The following SDK1 variants were observed in gnomAD, a reference collection of about 807,000 sequenced individuals.
The protein encoded by SDK1 is sidekick cell adhesion molecule 1, also known as protein sidekick-1.
SDK1 carries 157 observed loss-of-function variants against 245.5 expected under a neutral mutation model. The observed-to-expected ratio is 0.64, with a 90% confidence interval of 0.56 to 0.73. SDK1 has a LOEUF of 0.73. SDK1 is among the 30% of genes least tolerant of loss of function. The probability of loss-of-function intolerance (pLI) is 0.00; values close to 1 mark genes in which losing one functional copy is unlikely to be tolerated. For missense variants in SDK1, 3,583 were observed against 3,002.3 expected (o/e 1.19, Z -4.52); for synonymous variants, 1,647 against 1,278.5 (o/e 1.29, Z -6.15).
intron 2 of SDK1, among the ~76,000 whole-genome samples, chr7:3,628,662 T>C (rs1782192552): frequency 6.6e-6 from 1 of 152,210 alleles, no homozygotes; most frequent in African/African-American, 2.4e-5. Context: ...TGTCTTCCTC[T>C]TTGTCTCCCT....
intron 1 of SDK1, among the ~76,000 whole-genome samples, chr7:3,616,658 G>C (rs1262374033): frequency 6.6e-6 from 1 of 152,184 alleles, no homozygotes; most frequent in Non-Finnish European, 1.5e-5. Flanking sequence ...ATACTTGTGA[G>C]AGGTTGGTAA....
intron 5 of SDK1, among the ~76,000 whole-genome samples, chr7:3,924,353 G>A (rs1040902903): frequency 6.6e-6 from 1 of 152,288 alleles, no homozygotes; most frequent in East Asian, 1.9e-4. Flanking sequence ...CTTCTTGGAA[G>A]ACATCAAATT....
At chr7:4,023,688 G>T (rs1049416762) in intron 17 of SDK1, among the ~76,000 whole-genome samples, 1 of 152,196 alleles carries the variant, frequency 6.6e-6, no homozygotes, top group Non-Finnish European at 1.5e-5. Flanking sequence ...CTTTCTAATA[G>T]TGTAGCTTGG....
At chr7:4,080,502 G>C (rs1163441285) in intron 22 of SDK1, among the ~76,000 whole-genome samples, 4 of 152,128 alleles carry the variant, frequency 2.6e-5, no homozygotes, top group African/African-American at 9.7e-5. Context: ...ATCCACTCCT[G>C]GAAATTGGCC....
chr7:4,155,433 C>T (rs865981955), intron 30 of SDK1, among the ~76,000 whole-genome samples: 9 of 152,152 alleles, frequency 5.9e-5, no homozygotes, highest in Admixed American at 3.9e-4. Context: ...CACGTGTGCC[C>T]GGCTCAGTGC....
At chr7:3,486,180 T>C (rs1409586403) in intron 1 of SDK1, among the ~76,000 whole-genome samples, 1 of 152,080 alleles carries the variant, frequency 6.6e-6, no homozygotes, top group East Asian at 1.9e-4. Context: ...TTTAGAACAT[T>C]CTTCTAGTAT....
At chr7:3,744,973 T>C (rs1355713513) in intron 4 of SDK1, among the ~76,000 whole-genome samples, 1 of 152,182 alleles carries the variant, frequency 6.6e-6, no homozygotes, top group African/African-American at 2.4e-5. Context: ...TGTGCTTCAA[T>C]AGAAATCAGT....
At chr7:3,706,952 C>G (rs1427040228) in intron 4 of SDK1, among the ~76,000 whole-genome samples, 2 of 152,118 alleles carry the variant, frequency 1.3e-5, no homozygotes, top group Non-Finnish European at 2.9e-5. Context: ...CTTTTCTTCT[C>G]TTGGTTAGTC....
At chr7:3,791,204 C>T (rs1179972944) in intron 4 of SDK1, among the ~76,000 whole-genome samples, 2 of 151,608 alleles carry the variant, frequency 1.3e-5, no homozygotes, top group Non-Finnish European at 2.9e-5. Flanking sequence ...GCTGAGATGG[C>T]AGACAAAACC....
At chr7:3,942,955 T>C (rs1488820849) in intron 5 of SDK1, among the ~76,000 whole-genome samples, 4 of 152,290 alleles carry the variant, frequency 2.6e-5, no homozygotes, top group Middle Eastern at 3.4e-3. Context: ...AGCTTTGACC[T>C]CATTGTTTTC....
intron 1 of SDK1, among the ~76,000 whole-genome samples, chr7:3,443,815 G>C (rs1780265330): frequency 6.6e-6 from 1 of 152,136 alleles, no homozygotes; most frequent in Non-Finnish European, 1.5e-5. Context: ...ATTGTCATCA[G>C]GCTAGTGATA....
chr7:3,464,259 C>T (rs1215295865), intron 1 of SDK1, among the ~76,000 whole-genome samples: 2 of 152,138 alleles, frequency 1.3e-5, no homozygotes, highest in South Asian at 2.1e-4. Flanking sequence ...CATGGTGGCT[C>T]ACGCCTATAA....
Position 4,268,972 on chromosome 7 carries a change from T to G in SDK1, c.*3588T>G, listed in dbSNP as rs1788642275. 3.6e-6 allele frequency: 1 copy of G among 281,460 alleles called. No homozygotes were observed. Among genetic ancestry groups the G allele is most frequent in the South Asian group, 3.2e-5 (1 of 31,138 alleles). 17.4% of individuals were successfully genotyped at this position (281,460 alleles called of 1,614,324 possible). On this transcript the variant is annotated 3_prime_UTR_variant, in exon 45 of 45. Transcript: ENST00000404826. ...CAGAGAGGTGCTATGGGTACAATTT[T>G]TAATAAAAACATTATTTTGTTCCTT...
intron 35 of SDK1, among the ~76,000 whole-genome samples, chr7:4,185,543 C>T (rs1401827068): frequency 1.3e-5 from 2 of 152,206 alleles, no homozygotes; most frequent in Non-Finnish European, 2.9e-5. Flanking sequence ...CTGCTCCCTA[C>T]TCCCGTCCCT....
chr7:3,354,487 A>G (rs1177587185), intron 1 of SDK1, among the ~76,000 whole-genome samples: 3 of 152,218 alleles, frequency 2.0e-5, no homozygotes, highest in Non-Finnish European at 4.4e-5. Context: ...TGAAAGAAGT[A>G]TAGGTAACAT....
At chr7:3,924,440 G>A (rs1251686055) in intron 5 of SDK1, among the ~76,000 whole-genome samples, 3 of 152,174 alleles carry the variant, frequency 2.0e-5, no homozygotes, top group African/African-American at 4.8e-5. Context: ...AGCTGAGCAC[G>A]TCGTGGTGAC....
intron 5 of SDK1, among the ~76,000 whole-genome samples, chr7:3,862,677 G>A (rs1038907844): frequency 6.6e-6 from 1 of 152,086 alleles, no homozygotes; most frequent in African/African-American, 2.4e-5. Context: ...TAATACGTCA[G>A]GCTTTTTCTG....
chr7:3,810,263 C>G (rs768251992), intron 4 of SDK1, among the ~76,000 whole-genome samples: 1 of 152,104 alleles, frequency 6.6e-6, no homozygotes, highest in Non-Finnish European at 1.5e-5. Context: ...ATTTTACACT[C>G]TTGGGAAGTT....
chr7:3,972,215 G>A (rs1161598169), intron 12 of SDK1, among the ~76,000 whole-genome samples: 2 of 151,914 alleles, frequency 1.3e-5, no homozygotes, highest in Non-Finnish European at 2.9e-5. Flanking sequence ...GAGTAGCTGG[G>A]ACTACAAGTG....
Sources: allele counts gnomAD v4.1 joint callset (sites outside exome capture counted in the v4.1 genomes callset), GRCh38; gene constraint gnomAD v4.1.1; transcripts MANE v1.5; gene names NCBI Gene and HGNC (gene_info 2026-07-23, HGNC 2026-07-21).